Variants in SPIRE1 observed in about 807,000 individuals in gnomAD.
SPIRE1 encodes the protein spire type actin nucleation factor 1, also known as protein spire homolog 1.
SPIRE1 carries 40 observed loss-of-function variants against 94.1 expected under a neutral mutation model. The ratio of observed to expected loss-of-function variants is 0.43; its 90% CI spans 0.33 to 0.55. The LOEUF (loss-of-function observed/expected upper bound fraction) is 0.55, where lower values mean the gene tolerates loss of function less well. SPIRE1 is among the 20% of genes least tolerant of loss of function. The probability of loss-of-function intolerance (pLI) is 0.06; values close to 1 mark genes in which losing one functional copy is unlikely to be tolerated. For synonymous variants in SPIRE1, 376 were observed against 371.7 expected, an observed-to-expected ratio of 1.01 and a Z score of -0.13; for missense variants, 838 against 975.2, an observed-to-expected ratio of 0.86 and a Z score of 1.87.
At chr18:12,453,433 ATT>A (rs34797411) in intron 13 of SPIRE1, among the ~76,000 whole-genome samples, 2 of 144,490 alleles carry the variant, frequency 1.4e-5, no homozygotes, top group African/African-American at 2.6e-5. Context: ...TCTCAGATAC[ATT>A]TTTTTTTTTT....
At chr18:12,638,266 G>A (rs771231638) in intron 1 of SPIRE1, among the ~76,000 whole-genome samples, 7 of 152,080 alleles carry the variant, frequency 4.6e-5, no homozygotes, top group East Asian at 1.9e-4. Flanking sequence ...GTAACATAGC[G>A]AGACCCAGTT....
intron 2 of SPIRE1, among the ~76,000 whole-genome samples, chr18:12,576,824 G>T (rs1455183110): frequency 6.7e-6 from 1 of 149,884 alleles, no homozygotes; most frequent in African/African-American, 2.5e-5. Context: ...GGGAGGTGAA[G>T]GTTGCAGTGA....
At chr18:12,537,028 A>G (rs981949066) in intron 3 of SPIRE1, among the ~76,000 whole-genome samples, 3 of 152,212 alleles carry the variant, frequency 2.0e-5, no homozygotes, top group South Asian at 2.1e-4. Flanking sequence ...TTTCACGTAT[A>G]GTAACCATCT....
intron 4 of SPIRE1, among the ~76,000 whole-genome samples, chr18:12,516,643 C>T (rs368160691): frequency 1.4e-4 from 22 of 152,262 alleles, no homozygotes; most frequent in Non-Finnish European, 2.2e-4. Context: ...CTGAAAGTTA[C>T]GATTTAATAT....
chr18:12,496,560 C>T (rs1012426125), intron 6 of SPIRE1, among the ~76,000 whole-genome samples: 4 of 152,038 alleles, frequency 2.6e-5, no homozygotes, highest in Non-Finnish European at 1.5e-5. Flanking sequence ...ATGGTGAAAC[C>T]CTGTCTCTAC....
chr18:12,658,490 C>G, upstream of SPIRE1: 1 of 451,948 alleles, frequency 2.2e-6, no homozygotes, highest in Admixed American at 2.5e-5. Context: ...AAGTCCCCGG[C>G]CGACTCTGGC....
chr18:12,476,816 C>T (rs533220418), intron 10 of SPIRE1, among the ~76,000 whole-genome samples: 4 of 152,044 alleles, frequency 2.6e-5, no homozygotes, highest in African/African-American at 9.6e-5. Context: ...GAGGAATACG[C>T]TTATTTCCAT....
At chr18:12,496,331 A>G (rs1294792021) in intron 6 of SPIRE1, among the ~76,000 whole-genome samples, 2 of 152,040 alleles carry the variant, frequency 1.3e-5, no homozygotes, top group Admixed American at 1.3e-4. Context: ...TGAAATTTCA[A>G]CAAAAAGTTT....
chr18:12,639,896 G>A (rs17616402), intron 1 of SPIRE1, among the ~76,000 whole-genome samples: 36,423 of 151,020 alleles, frequency 0.24, 5,065 homozygotes, highest in Non-Finnish European at 0.32. Context: ...TTTATTAGAC[G>A]AGTCCCCTTA....
chr18:12,473,348 A>C (rs1365296762), intron 10 of SPIRE1, among the ~76,000 whole-genome samples: 1 of 152,236 alleles, frequency 6.6e-6, no homozygotes, highest in Non-Finnish European at 1.5e-5. Flanking sequence ...GCAAAAATAT[A>C]ACAATGTTCA....
chr18:12,540,092 G>A (rs2034971045), intron 3 of SPIRE1, among the ~76,000 whole-genome samples: 1 of 152,048 alleles, frequency 6.6e-6, no homozygotes, highest in Non-Finnish European at 1.5e-5. Context: ...ACAGACCTAA[G>A]GAAAGAGTGT....
chr18:12,591,545 C>A (rs750108153), intron 2 of SPIRE1, among the ~76,000 whole-genome samples: 1 of 152,090 alleles, frequency 6.6e-6, no homozygotes, highest in Non-Finnish European at 1.5e-5. Flanking sequence ...TAAGGGCAGT[C>A]GGAAGGAGTG....
chr18:12,498,351 G>C (rs369266531), intron 6 of SPIRE1, among the ~76,000 whole-genome samples: 43 of 152,306 alleles, frequency 2.8e-4, no homozygotes, highest in African/African-American at 9.6e-4. Context: ...AAATAAATAA[G>C]ATCAGTTATA....
At chr18:12,520,805 G>A (rs1400145498) in intron 4 of SPIRE1, among the ~76,000 whole-genome samples, 1 of 152,180 alleles carries the variant, frequency 6.6e-6, no homozygotes, top group Non-Finnish European at 1.5e-5. Flanking sequence ...CATGAGGTGA[G>A]GAATAGGCAA....
rs554741375 is a variant in SPIRE1 at position 12,647,158 on chromosome 18, C to A, written c.337+10372G>T. Among the ~76,000 whole-genome samples, 12 of 152,034 alleles carry A rather than the reference C, an allele frequency of 7.9e-5. No homozygotes were observed. In the East Asian group the frequency reaches 2.1e-3, roughly 27 times the overall value. On this transcript the variant is annotated intron_variant, in intron 1 of 16. Coordinates refer to ENST00000409402, the MANE Select transcript of SPIRE1 (RefSeq NM_001128626.2). ...AATATAAACCCTCCATATACCTAATCGAATCCTTTTTAAATTTATACTAAT... is the reference window on the plus strand; with the variant it reads ...AATATAAACCCTCCATATACCTAATAGAATCCTTTTTAAATTTATACTAAT...
intron 4 of SPIRE1, among the ~76,000 whole-genome samples, chr18:12,514,308 A>G (rs568239000): frequency 6.6e-6 from 1 of 152,254 alleles, no homozygotes; most frequent in East Asian, 1.9e-4. Context: ...CCAAATTCCA[A>G]GCCCCATCCC....
chr18:12,595,752 T>C (rs1319507513), intron 2 of SPIRE1, among the ~76,000 whole-genome samples: 1 of 152,236 alleles, frequency 6.6e-6, no homozygotes, highest in African/African-American at 2.4e-5. Context: ...CACATATACA[T>C]ACAATGTGTG....
intron 2 of SPIRE1, among the ~76,000 whole-genome samples, chr18:12,617,674 T>C (rs2037350732): frequency 6.6e-6 from 1 of 152,012 alleles, no homozygotes; most frequent in Non-Finnish European, 1.5e-5. Context: ...CCTCCCAAAG[T>C]GCTAGGATTA....
intron 10 of SPIRE1, among the ~76,000 whole-genome samples, chr18:12,467,519 T>C (rs977620255): frequency 6.6e-6 from 1 of 152,216 alleles, no homozygotes; most frequent in Non-Finnish European, 1.5e-5. Context: ...AAAGGAGTCA[T>C]ATACAGTACT....
Sources: gnomAD v4.1 joint callset for allele counts (sites outside exome capture counted in the v4.1 genomes callset) on GRCh38, gnomAD v4.1.1 for gene constraint, MANE v1.5 for transcripts, NCBI Gene and HGNC (gene_info 2026-07-23, HGNC 2026-07-21) for gene names.